TTC6: variants seen among roughly 807,000 people sequenced by gnomAD.
The protein encoded by TTC6 is tetratricopeptide repeat domain 6.
A neutral mutation model predicts 210.4 loss-of-function variants in TTC6; 172 were observed. The ratio of observed to expected loss-of-function variants is 0.82; its 90% confidence interval spans 0.72 to 0.93. The LOEUF is 0.93. Ranked by LOEUF, TTC6 falls within the 40% of genes least tolerant of loss-of-function variation. The pLI is 0.00. For synonymous variants in TTC6, 804 were observed against 819.6 expected (o/e 0.98, Z 0.32); for missense variants, 2,414 against 2,318.1 (o/e 1.04, Z -0.85).
chr14:37,768,684 G>T (rs1243073354), intron 14 of TTC6, among the ~76,000 whole-genome samples: 4 of 151,796 alleles, frequency 2.6e-5, no homozygotes, highest in Non-Finnish European at 5.9e-5. Context: ...TTGCTTATCA[G>T]CTTAAGGAGA....
chr14:37,662,076 T>C (rs1332877693), intron 1 of TTC6, among the ~76,000 whole-genome samples: 2 of 152,122 alleles, frequency 1.3e-5, no homozygotes, highest in Non-Finnish European at 2.9e-5. Flanking sequence ...GTTTTCTAGA[T>C]ATAGGATCAT....
intron 6 of TTC6, among the ~76,000 whole-genome samples, chr14:37,715,556 A>G (rs1383074175): frequency 6.6e-6 from 1 of 152,170 alleles, no homozygotes; most frequent in Admixed American, 6.5e-5. Context: ...GAAAGTTCTC[A>G]GAGACACAGA....
intron 2 of TTC6, among the ~76,000 whole-genome samples, chr14:37,616,638 G>A (rs932541430): frequency 4.6e-5 from 7 of 151,610 alleles, no homozygotes; most frequent in Admixed American, 6.6e-5. Context: ...CGGAGCTTGC[G>A]GTGAGCGAAG....
intron 20 of TTC6, among the ~76,000 whole-genome samples, chr14:37,801,835 C>T (rs537510018): frequency 5.3e-5 from 8 of 152,246 alleles, no homozygotes; most frequent in African/African-American, 1.4e-4. Flanking sequence ...GACGGTTTGG[C>T]GATTCCTCAA....
At chr14:37,823,214 T>C (rs900125026) in intron 26 of TTC6, among the ~76,000 whole-genome samples, 5 of 152,072 alleles carry the variant, frequency 3.3e-5, no homozygotes, top group African/African-American at 9.7e-5. Context: ...ATAAATAAAA[T>C]GCATTTTACT....
At chr14:37,816,777 T>C (rs1477640232) in intron 25 of TTC6, among the ~76,000 whole-genome samples, 5 of 152,190 alleles carry the variant, frequency 3.3e-5, no homozygotes, top group African/African-American at 1.2e-4. Flanking sequence ...TTTCTTAATT[T>C]AAATGTAGCG....
chr14:37,782,421 C>T (rs916579754), intron 14 of TTC6, among the ~76,000 whole-genome samples: 12 of 152,048 alleles, frequency 7.9e-5, no homozygotes, highest in Admixed American at 2.6e-4. Context: ...TGATTTGGCT[C>T]TCTGTTTATC....
At chr14:37,804,911 A>G in intron 21 of TTC6, 97 bp downstream of exon 23, 2 of 1,383,152 alleles carry the variant, frequency 1.4e-6, no homozygotes, top group Non-Finnish European at 1.0e-6. Flanking sequence ...ACAGTGGGCA[A>G]CCGGTCCAAA....
chr14:37,679,021 G>A (rs1291736199), intron 1 of TTC6, among the ~76,000 whole-genome samples: 2 of 152,036 alleles, frequency 1.3e-5, no homozygotes, highest in African/African-American at 4.8e-5. Context: ...ACAAGCTCAA[G>A]ATCAGCCTGG....
rs1346494183 is a variant in TTC6 at position 37,725,099 on chromosome 14, T to C, written c.1818+97T>C. 1.0e-5 allele frequency: 6 copies of C among 599,132 alleles called. No homozygotes were observed. In the East Asian group the frequency reaches 1.8e-4, roughly 18 times the overall value. The allele number at this position is 599,132 out of a possible 1,614,324, so 37.1% of individuals were successfully genotyped here. On this transcript the variant is annotated intron_variant, in intron 7 of 30. Transcript: ENST00000553443. Reference sequence around the variant, plus strand: ...ATGACATTCAATTTTACTGGCCATTTATGTAAATTACCAGTTATTGCCATA... The same window carrying C: ...ATGACATTCAATTTTACTGGCCATTCATGTAAATTACCAGTTATTGCCATA...
At chr14:37,733,258 T>A (rs900810704) in intron 7 of TTC6, among the ~76,000 whole-genome samples, 3 of 152,232 alleles carry the variant, frequency 2.0e-5, no homozygotes, top group Non-Finnish European at 4.4e-5. Flanking sequence ...TAAATTTTCA[T>A]TTTATGTAAT....
chr14:37,626,869 G>C (rs457621), intron 1 of TTC6, among the ~76,000 whole-genome samples: 47,620 of 151,986 alleles, frequency 0.31, 7,573 homozygotes, highest in Non-Finnish European at 0.33. Context: ...AACCTATGGC[G>C]CCACTCCCAC....
chr14:37,639,026 G>C (rs1308522507), intron 1 of TTC6, among the ~76,000 whole-genome samples: 2 of 151,972 alleles, frequency 1.3e-5, no homozygotes, highest in African/African-American at 2.4e-5. Flanking sequence ...GTTTTTCTTT[G>C]TAAAAATAAG....
At chr14:37,842,208 C>G (rs374277390) in exon 31 of TTC6, 1 of 1,607,804 alleles carries the variant, frequency 6.2e-7, no homozygotes, top group East Asian at 2.3e-5. Flanking sequence ...AGCAAAAGTT[C>G]GTGGTAAAAT....
intron 3 of TTC6, among the ~76,000 whole-genome samples, chr14:37,691,133 C>A (rs1350784662): frequency 6.6e-6 from 1 of 152,054 alleles, no homozygotes; most frequent in Non-Finnish European, 1.5e-5. Flanking sequence ...ATTTCAAGAC[C>A]AGCCTTGCCA....
intron 14 of TTC6, among the ~76,000 whole-genome samples, chr14:37,771,538 C>T (rs568926756): frequency 2.0e-4 from 30 of 152,248 alleles, no homozygotes; most frequent in African/African-American, 7.0e-4. Context: ...TCCCTTCTCG[C>T]TTCATTTCAT....
intron 3 of TTC6, 99 bp downstream of exon 5, chr14:37,683,063 G>C: frequency 2.0e-6 from 2 of 1,019,564 alleles, no homozygotes; most frequent in Non-Finnish European, 2.9e-6. Context: ...GTATGGGGCT[G>C]GGGGCGGGGG....
chr14:37,670,474 C>CCTTTTTTTTTTTTTTTTTTTTTTTTTT (rs532690678), intron 1 of TTC6, among the ~76,000 whole-genome samples: 1 of 121,326 alleles, frequency 8.2e-6, no homozygotes, highest in Non-Finnish European at 1.7e-5. Context: ...AACTACCTCA[C>CCTTTTTTTTTTTTTTTTTTTTTTTTTT]TTTTTTTTTT....
upstream of TTC6, chr14:37,595,826 AC>A (rs1312775466): frequency 6.6e-6 from 1 of 150,854 alleles, no homozygotes; most frequent in Non-Finnish European, 1.5e-5. Flanking sequence ...GAGAATACAG[AC>A]TTTTTTTTTT....
Sources: gnomAD v4.1 joint callset for allele counts (sites outside exome capture counted in the v4.1 genomes callset) on GRCh38, gnomAD v4.1.1 for gene constraint, MANE v1.5 for transcripts, NCBI Gene and HGNC (gene_info 2026-07-23, HGNC 2026-07-21) for gene names.